The following TBC1D5 variants were observed in gnomAD, a reference collection of about 807,000 sequenced individuals.
The protein encoded by TBC1D5 is TBC1 domain family member 5, also known as TBC1 domain family, member 5.
In TBC1D5, 75 loss-of-function variants were observed where a neutral mutation model predicts 100.3. The ratio of observed to expected loss-of-function variants is 0.75; its 90% confidence interval spans 0.62 to 0.91. The LOEUF (loss-of-function observed/expected upper bound fraction) is 0.91. TBC1D5 is among the 40% of genes least tolerant of loss of function. The pLI, the probability that TBC1D5 is intolerant of heterozygous loss-of-function variation, is 0.00. For synonymous variants in TBC1D5, 323 were observed against 325.6 expected (o/e 0.99, Z 0.09); for missense variants, 910 against 942.4 (o/e 0.97, Z 0.45).
intron 2 of TBC1D5, among the ~76,000 whole-genome samples, chr3:17,517,946 T>C (rs540267453): frequency 4.5e-4 from 69 of 152,314 alleles, no homozygotes; most frequent in African/African-American, 1.6e-3. Context: ...TGAAATAAAG[T>C]ATATGGGGAC....
chr3:17,257,128 C>G (rs1332333557), intron 16 of TBC1D5, among the ~76,000 whole-genome samples: 1 of 151,918 alleles, frequency 6.6e-6, no homozygotes, highest in East Asian at 1.9e-4. Flanking sequence ...TATGATATAA[C>G]CTGTTATAAA....
chr3:17,710,851 C>T (rs1351832043), intron 1 of TBC1D5, among the ~76,000 whole-genome samples: 1 of 152,026 alleles, frequency 6.6e-6, no homozygotes, highest in Non-Finnish European at 1.5e-5. Flanking sequence ...GCATGCGTCA[C>T]CACGCCCAGC....
At chr3:17,624,880 G>A (rs1045885842) in intron 1 of TBC1D5, among the ~76,000 whole-genome samples, 1 of 152,030 alleles carries the variant, frequency 6.6e-6, no homozygotes, top group Non-Finnish European at 1.5e-5. Context: ...TAACTTTTAT[G>A]ACAAGACGCC....
intron 2 of TBC1D5, among the ~76,000 whole-genome samples, chr3:17,533,597 A>G (rs1181197565): frequency 6.6e-6 from 1 of 152,186 alleles, no homozygotes; most frequent in Non-Finnish European, 1.5e-5. Flanking sequence ...TGCTGGTCAT[A>G]AGATTGGATT....
At chr3:17,400,478 A>G (rs1307288269) in intron 8 of TBC1D5, among the ~76,000 whole-genome samples, 1 of 152,172 alleles carries the variant, frequency 6.6e-6, no homozygotes, top group Non-Finnish European at 1.5e-5. Context: ...AAATTTATAT[A>G]GAAATGACAA....
intron 3 of TBC1D5, among the ~76,000 whole-genome samples, chr3:17,471,663 T>A (rs1386305138): frequency 1.6e-4 from 14 of 89,226 alleles, no homozygotes; most frequent in Admixed American, 9.4e-4. Context: ...AGAGCGAGAC[T>A]CCGTCTCAAA....
Position 17,167,898 on chromosome 3 carries a change from T to C in TBC1D5, c.1853-70A>G, listed in dbSNP as rs1387501095. On this transcript the variant is annotated intron_variant, in intron 19 of 21. Coordinates refer to ENST00000253692, the Ensembl canonical transcript of TBC1D5. ...AACCTACCTGCTGCCACATCATAACTTCAGACGGGCTTGGGAAGTTTTCTG... is the reference window on the plus strand; with the variant it reads ...AACCTACCTGCTGCCACATCATAACCTCAGACGGGCTTGGGAAGTTTTCTG... 3.5e-6 allele frequency: 4 copies of C among 1,134,470 alleles called. No individual in the cohort carries two copies. The Admixed American group carries it at 1.0e-4, about 29-fold the overall frequency. 70.3% of individuals were successfully genotyped at this position (1,134,470 alleles called of 1,614,324 possible). A position where few individuals can be genotyped will look rare whatever the true frequency, so the allele number is the denominator to read the frequency against.
At chr3:17,580,321 G>T (rs2096685656) in intron 2 of TBC1D5, among the ~76,000 whole-genome samples, 2 of 151,812 alleles carry the variant, frequency 1.3e-5, no homozygotes, top group African/African-American at 4.8e-5. Flanking sequence ...CCTAAACTAG[G>T]AAACACCATA....
Position 17,273,809 on chromosome 3 carries a change from C to CAAA in TBC1D5, c.1246-15221_1246-15219dup, listed in dbSNP as rs11450142. Among the ~76,000 whole-genome samples the CAAA allele has an allele frequency of 9.1e-4, 105 of 114,984 alleles. 1 individual carries two copies. In the East Asian group the frequency reaches 0.017, roughly 18 times the overall value. 75.4% of individuals were successfully genotyped at this position (114,984 alleles called of 152,430 possible). On this transcript the variant is annotated intron_variant, in intron 15 of 21. Coordinates refer to ENST00000253692, the Ensembl canonical transcript of TBC1D5. ...ATGACAAGAGCAAAACTCTGTATCT[C>CAAA]AAAAAAAAAAAAAAAAAAATTGCTA...
chr3:17,635,343 T>C (rs181103247), intron 1 of TBC1D5, among the ~76,000 whole-genome samples: 132 of 152,282 alleles, frequency 8.7e-4, no homozygotes, highest in African/African-American at 3.0e-3. Flanking sequence ...TTTAAAGACA[T>C]AACATTGATG....
intron 2 of TBC1D5, among the ~76,000 whole-genome samples, chr3:17,539,288 A>T (rs1359339913): frequency 1.3e-5 from 2 of 152,230 alleles, no homozygotes; most frequent in East Asian, 3.8e-4. Context: ...TGAAGCCTCC[A>T]GGTAGCAGGC....
intron 18 of TBC1D5, among the ~76,000 whole-genome samples, chr3:17,210,575 G>A (rs7617933): frequency 2.6e-5 from 4 of 151,858 alleles, no homozygotes; most frequent in Non-Finnish European, 4.4e-5. Context: ...TTCCTCATTC[G>A]TTGTTAGAAT....
At chr3:17,525,100 T>C (rs945841731) in intron 2 of TBC1D5, among the ~76,000 whole-genome samples, 5 of 152,160 alleles carry the variant, frequency 3.3e-5, no homozygotes, top group African/African-American at 1.2e-4. Flanking sequence ...TCCAACTGTA[T>C]ACATAAATGT....
chr3:17,675,156 G>A (rs781438422), intron 1 of TBC1D5, among the ~76,000 whole-genome samples: 23 of 151,974 alleles, frequency 1.5e-4, no homozygotes, highest in Non-Finnish European at 2.5e-4. Context: ...TTTCTAACAA[G>A]TAAGCAAACG....
At chr3:17,702,620 C>T (rs1240547613) in intron 1 of TBC1D5, among the ~76,000 whole-genome samples, 1 of 152,112 alleles carries the variant, frequency 6.6e-6, no homozygotes, top group African/African-American at 2.4e-5. Flanking sequence ...AAAGGACAAT[C>T]ATTAGGCATA....
At chr3:17,673,301 C>CT (rs1393216423) in intron 1 of TBC1D5, among the ~76,000 whole-genome samples, 1 of 119,306 alleles carries the variant, frequency 8.4e-6, no homozygotes, top group Non-Finnish European at 1.8e-5. Context: ...TCTGTACTTT[C>CT]TTTTCTTTTC....
At chr3:17,284,846 T>G (rs1382072340) in intron 15 of TBC1D5, among the ~76,000 whole-genome samples, 2 of 152,108 alleles carry the variant, frequency 1.3e-5, no homozygotes, top group African/African-American at 4.8e-5. Context: ...TGATTGGATG[T>G]GAAAATACAC....
intron 3 of TBC1D5, among the ~76,000 whole-genome samples, chr3:17,490,664 T>G (rs765714448): frequency 6.6e-6 from 1 of 152,204 alleles, no homozygotes; most frequent in Non-Finnish European, 1.5e-5. Context: ...TTCTGTTCCA[T>G]TGGTCTATGT....
intron 13 of TBC1D5, among the ~76,000 whole-genome samples, chr3:17,342,114 G>A (rs1336305172): frequency 2.0e-5 from 3 of 152,132 alleles, no homozygotes; most frequent in Non-Finnish European, 4.4e-5. Context: ...GTCCCACACT[G>A]CTCACCTAAT....
Sources: gnomAD v4.1 joint callset for allele counts (sites outside exome capture counted in the v4.1 genomes callset) on GRCh38, gnomAD v4.1.1 for gene constraint, MANE v1.5 for transcripts, NCBI Gene and HGNC (gene_info 2026-07-23, HGNC 2026-07-21) for gene names.